SYT1: variants seen among roughly 807,000 people sequenced by gnomAD.
The protein encoded by SYT1 is synaptotagmin 1, also known as synaptotagmin-1.
A neutral mutation model predicts 44.8 loss-of-function variants in SYT1; 8 were observed. The ratio of observed to expected loss-of-function variants is 0.18; its 90% CI spans 0.10 to 0.32. SYT1 has a LOEUF of 0.32. SYT1 is among the 10% of genes least tolerant of loss of function. SYT1 has a pLI of 1.00. For synonymous variants in SYT1, 154 were observed against 188.8 expected (o/e 0.82, Z 1.51); for missense variants, 286 against 509.3 (o/e 0.56, Z 4.22).
At chr12:79,131,341 T>G (rs1408923648) in intron 3 of SYT1, among the ~76,000 whole-genome samples, 1 of 152,138 alleles carries the variant, frequency 6.6e-6, no homozygotes, top group Non-Finnish European at 1.5e-5. Flanking sequence ...TGTTAAATTT[T>G]TTTCAGTGTT....
intron 2 of SYT1, among the ~76,000 whole-genome samples, chr12:78,995,283 T>C (rs762124081): frequency 3.3e-5 from 5 of 152,202 alleles, no homozygotes; most frequent in Non-Finnish European, 5.9e-5. Context: ...AAAGCAAGTG[T>C]CTATATCCAC....
At chr12:79,055,218 TATAATTAGTTG>T (rs1874841922) in intron 3 of SYT1, among the ~76,000 whole-genome samples, 1 of 152,024 alleles carries the variant, frequency 6.6e-6, no homozygotes, top group African/African-American at 2.4e-5. Flanking sequence ...AGTTAGCTAT[TATAATTAGTTG>T]ATAGAATTCA....
intron 1 of SYT1, among the ~76,000 whole-genome samples, chr12:78,870,770 T>C (rs1223300941): frequency 6.6e-6 from 1 of 152,012 alleles, no homozygotes; most frequent in African/African-American, 2.4e-5. Context: ...CCATCCTCCT[T>C]GCATGTCACT....
chr12:78,881,511 T>G (rs2137056290), intron 1 of SYT1, among the ~76,000 whole-genome samples: 1 of 151,888 alleles, frequency 6.6e-6, no homozygotes, highest in East Asian at 1.9e-4. Context: ...ACAGACATTA[T>G]CGAACCTTGT....
At chr12:79,176,329 G>A (rs1871865905) in intron 3 of SYT1, among the ~76,000 whole-genome samples, 1 of 151,140 alleles carries the variant, frequency 6.6e-6, no homozygotes, top group South Asian at 2.1e-4. Flanking sequence ...GGAAAAGAAA[G>A]TGATATTGAT....
At chr12:79,004,491 A>G (rs1320287825) in intron 2 of SYT1, among the ~76,000 whole-genome samples, 4 of 151,970 alleles carry the variant, frequency 2.6e-5, no homozygotes, top group Non-Finnish European at 1.5e-5. Flanking sequence ...TAGTTAGCAT[A>G]AGTAATTTGA....
intron 3 of SYT1, among the ~76,000 whole-genome samples, chr12:79,089,166 A>G (rs1218154292): frequency 1.3e-5 from 2 of 152,082 alleles, no homozygotes; most frequent in Non-Finnish European, 2.9e-5. Context: ...AGGCTCATAA[A>G]AGAGAAATCT....
chr12:78,940,053 A>G (rs1878267184), intron 1 of SYT1, among the ~76,000 whole-genome samples: 1 of 152,208 alleles, frequency 6.6e-6, no homozygotes, highest in Non-Finnish European at 1.5e-5. Context: ...GTAAAAATAT[A>G]GATGACCATA....
In SYT1 at chr12:79,018,113, G is replaced by A. The variant is rs910459941; in HGVS notation, c.-83-29184G>A. On this transcript the variant is annotated intron_variant, in intron 2 of 10. Coordinates refer to ENST00000261205, the MANE Select transcript of SYT1 (RefSeq NM_005639.3). ...CCAACCCAAATGTCCAACAATGATA[G>A]ACTGGATTAAGAAAATGTGGCACAT... 1.6e-4 allele frequency among the ~76,000 whole-genome samples: 24 copies of A among 151,694 alleles called. No homozygotes were observed. The East Asian group carries it at 4.5e-3, about 28-fold the overall frequency.
At chr12:79,069,370 T>C (rs1876106111) in intron 3 of SYT1, among the ~76,000 whole-genome samples, 1 of 152,144 alleles carries the variant, frequency 6.6e-6, no homozygotes, top group East Asian at 1.9e-4. Context: ...CATACATAAC[T>C]AAGGCCATAA....
chr12:78,894,478 T>G (rs978784126), intron 1 of SYT1, among the ~76,000 whole-genome samples: 1 of 150,926 alleles, frequency 6.6e-6, no homozygotes, highest in African/African-American at 2.4e-5. Context: ...AAAAAGTCAC[T>G]TATTCTTTTA....
At chr12:78,901,175 G>GTCATGAAATTTTTCATGAAGTGTA (rs1443428860) in intron 1 of SYT1, among the ~76,000 whole-genome samples, 3 of 151,928 alleles carry the variant, frequency 2.0e-5, no homozygotes, top group African/African-American at 7.2e-5. Flanking sequence ...GATTTAATGT[G>GTCATGAAATTTTTCATGAAGTGTA]TCATGAAATT....
At chr12:79,200,160 A>G (rs1044137769) in intron 3 of SYT1, among the ~76,000 whole-genome samples, 12 of 152,300 alleles carry the variant, frequency 7.9e-5, no homozygotes, top group African/African-American at 2.9e-4. Context: ...GTACCTTAAC[A>G]AATCAGAAAT....
chr12:78,972,229 T>C (rs924207547), intron 1 of SYT1, among the ~76,000 whole-genome samples: 2 of 152,106 alleles, frequency 1.3e-5, no homozygotes, highest in African/African-American at 4.8e-5. Context: ...CCACAAAGAA[T>C]ATTTCAGTGT....
intron 1 of SYT1, among the ~76,000 whole-genome samples, chr12:78,887,539 A>G (rs1304328080): frequency 6.6e-6 from 1 of 151,994 alleles, no homozygotes; most frequent in African/African-American, 2.4e-5. Flanking sequence ...AGGAAAGAGA[A>G]ATCCATGCAT....
chr12:79,255,359 TA>T (rs1877455885), intron 4 of SYT1, among the ~76,000 whole-genome samples: 1 of 152,248 alleles, frequency 6.6e-6, no homozygotes, highest in Non-Finnish European at 1.5e-5. Flanking sequence ...TTAATATATG[TA>T]CATTGATTTT....
intron 1 of SYT1, among the ~76,000 whole-genome samples, chr12:78,896,015 T>G (rs1875338765): frequency 6.6e-6 from 1 of 151,822 alleles, no homozygotes; most frequent in Non-Finnish European, 1.5e-5. Context: ...TTATACCTAA[T>G]TTAAAGCTGG....
chr12:79,096,973 G>A (rs1372727041), intron 3 of SYT1, among the ~76,000 whole-genome samples: 1 of 151,954 alleles, frequency 6.6e-6, no homozygotes, highest in African/African-American at 2.4e-5. Flanking sequence ...ATAGCAAGAA[G>A]AAGAAGTAAA....
chr12:78,870,692 T>C (rs1873774685), intron 1 of SYT1, among the ~76,000 whole-genome samples: 1 of 151,996 alleles, frequency 6.6e-6, no homozygotes. Context: ...AAAACTCTGG[T>C]GAAAGTTCTC....
Sources: gnomAD v4.1 joint callset for allele counts (sites outside exome capture counted in the v4.1 genomes callset) on GRCh38, gnomAD v4.1.1 for gene constraint, MANE v1.5 for transcripts, NCBI Gene and HGNC (gene_info 2026-07-23, HGNC 2026-07-21) for gene names.